THADA: variants seen among roughly 807,000 people sequenced by gnomAD.
THADA encodes the protein tRNA (32-2'-O)-methyltransferase regulator THADA.
Under a neutral mutation model 219.8 loss-of-function variants are expected in THADA, and 213 were observed. The ratio of observed to expected loss-of-function variants is 0.97; its 90% CI spans 0.87 to 1.09. THADA has a LOEUF of 1.09. THADA is among the 50% of genes least tolerant of loss of function. The pLI is 0.00. For synonymous variants in THADA, 1,018 were observed against 828.9 expected (o/e 1.23, Z -3.92); for missense variants, 2,956 against 2,311.3 (o/e 1.28, Z -5.72).
chr2:43,503,012 T>C (rs1051956453), intron 24 of THADA, among the ~76,000 whole-genome samples: 7 of 151,988 alleles, frequency 4.6e-5, no homozygotes, highest in Admixed American at 3.3e-4. Flanking sequence ...AGATGCAAAA[T>C]AAAACTAGAA....
Position 43,297,999 on chromosome 2 carries a change from T to TG in THADA, c.4439-4787dup, listed in dbSNP as rs1558541035. ...CAGCCGCCCCGTCCGGGAGGGAGTG[T>TG]GGGGGGGGTCAGCCCCCCGGCCCGG... On this transcript the variant is annotated intron_variant, in intron 31 of 37. Coordinates refer to ENST00000405975, the MANE Select transcript of THADA (RefSeq NM_022065.5). Among the ~76,000 whole-genome samples the TG allele has an allele frequency of 2.3e-3, 142 of 61,082 alleles. 20 individuals are homozygous for TG. Among genetic ancestry groups the TG allele is most frequent in the Middle Eastern group, 0.014 (1 of 70 alleles). 40.1% of individuals were successfully genotyped at this position (61,082 alleles called of 152,430 possible).
At chr2:43,544,268 G>T (rs913268013) in intron 20 of THADA, among the ~76,000 whole-genome samples, 4 of 152,162 alleles carry the variant, frequency 2.6e-5, no homozygotes, top group African/African-American at 9.7e-5. Flanking sequence ...CGCTGTTTTG[G>T]TTACTGTAGC....
chr2:43,309,765 C>T (rs1677275030), intron 31 of THADA, among the ~76,000 whole-genome samples: 1 of 152,128 alleles, frequency 6.6e-6, no homozygotes, highest in African/African-American at 2.4e-5. Flanking sequence ...GCTCTTGCCA[C>T]TTCTATTCAA....
chr2:43,586,003 G>A (rs529653216), intron 7 of THADA, among the ~76,000 whole-genome samples: 3 of 151,986 alleles, frequency 2.0e-5, no homozygotes, highest in African/African-American at 7.2e-5. Context: ...AGTGACTAAC[G>A]CCTGTAATCT....
chr2:43,556,623 T>C, intron 16 of THADA, 68 bp from the exon 17 acceptor site: 1 of 1,454,184 alleles, frequency 6.9e-7, no homozygotes, highest in South Asian at 1.3e-5. Context: ...AATAGTAAAT[T>C]TTTTAAAACA....
rs867736218 is a variant in THADA, at chr2:43,515,193, T to A, written c.3375-6413A>T. 4.6e-3 allele frequency among the ~76,000 whole-genome samples: 54 copies of A among 11,774 alleles called. 3 individuals are homozygous for A. Among genetic ancestry groups the A allele is most frequent in the Middle Eastern group, 0.062 (1 of 16 alleles). The allele number at this position is 11,774 out of a possible 152,430, so 7.7% of individuals were successfully genotyped here. ...ATATTATATATTATATATAATATAT[T>A]ATATATAATATATAATATATAATAT... On this transcript the variant is annotated intron_variant, in intron 22 of 37. Transcript: ENST00000405975.
At chr2:43,574,312 A>G (rs758751087) in intron 11 of THADA, 24 bp downstream of exon 11, 1 of 1,478,302 alleles carries the variant, frequency 6.8e-7, no homozygotes, top group Non-Finnish European at 9.0e-7. Flanking sequence ...AGAAACTACT[A>G]AAACAAAAAT....
chr2:43,590,644 CAAAAAAAAAAAAA>C (rs768406325), intron 4 of THADA, among the ~76,000 whole-genome samples, 167 bp downstream of exon 4: 10 of 59,228 alleles, frequency 1.7e-4, no homozygotes, highest in African/African-American at 6.7e-4. Flanking sequence ...GACTCCGTCT[CAAAAAAAAAAAAA>C]AAAAAAAAAT....
chr2:43,444,860 A>C (rs944145048), intron 26 of THADA, among the ~76,000 whole-genome samples: 1 of 152,216 alleles, frequency 6.6e-6, no homozygotes, highest in Non-Finnish European at 1.5e-5. Context: ...AAGGCAAGCA[A>C]AGCCACCATG....
chr2:43,493,136 C>T (rs981907332), intron 25 of THADA, among the ~76,000 whole-genome samples: 5 of 152,170 alleles, frequency 3.3e-5, no homozygotes, highest in African/African-American at 1.2e-4. Context: ...TTTTCCTACC[C>T]TCCTTTGAAA....
chr2:43,401,297 G>A (rs181361268), intron 28 of THADA, among the ~76,000 whole-genome samples: 2 of 151,490 alleles, frequency 1.3e-5, no homozygotes. Context: ...TTCTTTTTTT[G>A]AGACAGAGTC....
At chr2:43,302,095 T>C (rs753818837) in intron 31 of THADA, among the ~76,000 whole-genome samples, 3 of 152,084 alleles carry the variant, frequency 2.0e-5, no homozygotes, top group South Asian at 2.1e-4. Context: ...CTTGAACTCC[T>C]AGGCTCAAGT....
chr2:43,455,796 T>C (rs1450327209), intron 26 of THADA, among the ~76,000 whole-genome samples: 8 of 152,204 alleles, frequency 5.3e-5, no homozygotes, highest in African/African-American at 1.9e-4. Flanking sequence ...AAAAGATTTT[T>C]CTCTTCTTCT....
At position 43,508,676 on chromosome 2, in the gene THADA, C is replaced by T. The variant is rs1690007518; in HGVS notation, c.3479G>A (p.Arg1160His). Residue 1160 changes from arginine (R) to histidine (H), a missense_variant, in exon 23 of 38, where the codon CGC (arginine) becomes CAC (histidine). Coordinates refer to ENST00000405975, the MANE Select transcript of THADA (RefSeq NM_022065.5). ...TATGTAGAAAGGAATTCCAGCACTG[C>T]GCCTTGTAGCACAGAGTTTAGATGA... ...DPSSKLCATR[R>H]SAGIPFYIQA... 12 of 1,613,474 alleles carry T rather than the reference C, an allele frequency of 7.4e-6. No homozygotes were observed. The highest frequency in any genetic ancestry group is 1.1e-5 in the South Asian group (1 of 91,026).
In THADA at chr2:43,363,817, C is replaced by T. The variant is rs112976867; in HGVS notation, c.4228-19580G>A. 8.4e-3 allele frequency among the ~76,000 whole-genome samples: 1,283 copies of T among 152,208 alleles called. 18 individuals carry two copies. The highest frequency in any genetic ancestry group is 0.03 in the African/African-American group (1,225 of 41,502). ...CTAGTATTTAAATAAGCCAGCCACT[C>T]GGGAGGCTGAGGTGGAAGGATCACT... On this transcript the variant is annotated intron_variant, in intron 29 of 37. Coordinates refer to ENST00000405975, the MANE Select transcript of THADA (RefSeq NM_022065.5).
chr2:43,551,039 A>T (rs1399721840), intron 19 of THADA, among the ~76,000 whole-genome samples: 1 of 152,232 alleles, frequency 6.6e-6, no homozygotes, highest in Non-Finnish European at 1.5e-5. Context: ...AACCATCACC[A>T]ATCTTCTAAC....
Position 43,283,950 on chromosome 2 carries a change from G to A in THADA, c.5164+2958C>T, listed in dbSNP as rs1308963588. Among the ~76,000 whole-genome samples the A allele has an allele frequency of 2.6e-5, 4 of 152,212 alleles. No homozygotes were observed. In the South Asian group the frequency reaches 8.3e-4, roughly 31 times the overall value. Reference sequence around the variant, plus strand: ...TCCCAGCACTTTGGGAGGCTGAGATGGGTGGATTGCCTGAGGTCAGGAATT... The same window carrying A: ...TCCCAGCACTTTGGGAGGCTGAGATAGGTGGATTGCCTGAGGTCAGGAATT... On this transcript the variant is annotated intron_variant, in intron 35 of 37. Transcript: ENST00000405975.
chr2:43,314,694 C>T (rs1231581106), intron 31 of THADA, among the ~76,000 whole-genome samples: 3 of 152,162 alleles, frequency 2.0e-5, no homozygotes, highest in South Asian at 2.1e-4. Flanking sequence ...TGTGGCAGTT[C>T]GGCTTTTTCT....
Position 43,274,546 on chromosome 2 carries a change from C to T in THADA, c.5296+5219G>A, listed in dbSNP as rs566708002. 7.0e-4 allele frequency among the ~76,000 whole-genome samples: 106 copies of T among 152,194 alleles called. 1 individual carries two copies. The highest frequency in any genetic ancestry group is 2.3e-3 in the African/African-American group (95 of 41,532). On this transcript the variant is annotated intron_variant, in intron 36 of 37. Transcript: ENST00000405975. The stretch of plus-strand genomic sequence containing the variant: ...CACAGGAAAGGGAAAATGATAAAAG[C>T]GTAGAATAGCAAAGGCTCTGTGATG...
Sources: gnomAD v4.1 joint callset for allele counts (sites outside exome capture counted in the v4.1 genomes callset) on GRCh38, gnomAD v4.1.1 for gene constraint, MANE v1.5 for transcripts, NCBI Gene and HGNC (gene_info 2026-07-23, HGNC 2026-07-21) for gene names.